ABHD15: variants seen among roughly 807,000 people sequenced by gnomAD.
ABHD15 encodes the protein abhydrolase domain containing 15, also known as protein ABHD15.
Under a neutral mutation model 34.4 loss-of-function variants are expected in ABHD15, and 34 were observed. The observed-to-expected ratio is 0.99, with a 90% CI of 0.75 to 1.32. ABHD15 has a LOEUF of 1.32. Ranked by LOEUF, ABHD15 falls within the 40% of genes most tolerant of loss-of-function variation. The probability of loss-of-function intolerance (pLI) is 0.00; values close to 1 mark genes in which losing one functional copy is unlikely to be tolerated. For missense variants in ABHD15, 644 were observed against 650.4 expected, an observed-to-expected ratio of 0.99 and a Z score of 0.11; for synonymous variants, 314 against 299.2, an observed-to-expected ratio of 1.05 and a Z score of -0.51.
Position 29,566,453 on chromosome 17 carries a change from G to C in ABHD15, c.514C>G (p.Arg172Gly), listed in dbSNP as rs143659545. The C allele has an allele frequency of 6.2e-7, 1 of 1,612,268 alleles. No individual in the cohort carries two copies. The highest frequency in any genetic ancestry group is 8.5e-7 in the Non-Finnish European group (1 of 1,179,830). ...AGCAAGCAAAGGCCGAGCACGTTGC[G>C]GGTGAGGCGACCCCACGCATTGGGG... Reference protein sequence around the residue: ...VIPNAWGRLTRNVLGLCLLAL... With the variant: ...VIPNAWGRLTGNVLGLCLLAL... The change falls in exon 1 of 2, where the codon CGC becomes GGC. Residue 172 changes from arginine to glycine, a missense_variant. Coordinates refer to ENST00000307201, the MANE Select transcript of ABHD15 (RefSeq NM_198147.3).
At position 29,562,977 on chromosome 17, in the gene ABHD15, T is replaced by C; in HGVS notation, c.991A>G (p.Ser331Gly). The C allele has an allele frequency of 6.2e-7, 1 of 1,613,876 alleles. No homozygotes were observed. Among genetic ancestry groups the C allele is most frequent in the South Asian group, 1.1e-5 (1 of 91,082 alleles). Residue 331 changes from serine (S) to glycine (G), a missense_variant, in exon 2 of 2, where the codon AGC becomes GGC. Coordinates refer to ENST00000307201, the MANE Select transcript of ABHD15 (RefSeq NM_198147.3). Reference sequence around the variant, plus strand: ...TTGCGGTCCCAGTAGGTATCCCAGCTGATGGGGAAGCTTTTGGTGTGGCAG... The same window carrying C: ...TTGCGGTCCCAGTAGGTATCCCAGCCGATGGGGAAGCTTTTGGTGTGGCAG... The part of the protein sequence containing the change: ...LFCHTKSFPI[S>G]WDTYWDRNDP...
rs2032624739 is a variant in ABHD15, at chr17:29,561,248, T to G, written c.*1313A>C. ...TTCTCAATGACGATTAAAATAAAACTTCAGGGCAAAGTTTTTGAATCTTAG... is the reference window on the plus strand; with the variant it reads ...TTCTCAATGACGATTAAAATAAAACGTCAGGGCAAAGTTTTTGAATCTTAG... On this transcript the variant is annotated 3_prime_UTR_variant, in exon 2 of 2. Coordinates refer to ENST00000307201, the MANE Select transcript of ABHD15 (RefSeq NM_198147.3). 1 of 152,200 alleles carries G rather than the reference T, an allele frequency of 6.6e-6. No homozygotes were observed. Among genetic ancestry groups the G allele is most frequent in the African/African-American group, 2.4e-5 (1 of 41,458 alleles). The allele number at this position is 152,200 out of a possible 1,614,324, so 9.4% of individuals were successfully genotyped here.
intron 1 of ABHD15, among the ~76,000 whole-genome samples, chr17:29,563,339 CAGG>C (rs1213583771): frequency 1.3e-5 from 2 of 150,908 alleles, no homozygotes; most frequent in Non-Finnish European, 1.5e-5. Context: ...CACTTAAGTC[CAGG>C]AGTTTGAGAA....
chr17:29,562,626 G>A lies in ABHD15; in HGVS notation c.1342C>T (p.Arg448Trp), dbSNP rs148129691. The change falls in exon 2 of 2, where the codon CGG (arginine) becomes TGG (tryptophan). Residue 448 changes from arginine (R) to tryptophan (W), a missense_variant. Arg to Trp is a moderately radical substitution (Grantham distance 101, BLOSUM62 -3). Transcript: ENST00000307201. ...GRRRGGALQR[R>W]EVSSSSNLEE... ...AGGTTGGAAGAGGAAGAGACTTCCC[G>A]CCTCTGCAAGGCTCCCCCACGACGA... is the stretch of plus-strand genomic sequence containing the variant. The A allele has an allele frequency of 1.6e-5, 26 of 1,613,920 alleles. No individual in the cohort carries two copies. The highest frequency in any genetic ancestry group is 1.6e-4 in the African/African-American group (12 of 74,882).
chr17:29,565,759 A>T (rs186939816), intron 1 of ABHD15, among the ~76,000 whole-genome samples: 4 of 152,314 alleles, frequency 2.6e-5, no homozygotes, highest in Non-Finnish European at 5.9e-5. Flanking sequence ...CTGTGGGCTA[A>T]GTGGTAAATG....
Position 29,562,394 on chromosome 17 carries a change from T to G in ABHD15, c.*167A>C. 1 of 736,100 alleles carries G rather than the reference T, an allele frequency of 1.4e-6. No individual in the cohort carries two copies. Among genetic ancestry groups the G allele is most frequent in the Non-Finnish European group, 2.2e-6 (1 of 455,748 alleles). The allele number at this position is 736,100 out of a possible 1,614,324, so 45.6% of individuals were successfully genotyped here. On this transcript the variant is annotated 3_prime_UTR_variant, in exon 2 of 2. Transcript: ENST00000307201. ...TGCTGAGGATGAAGTGAGTGCAGGC[T>G]CGCAGGACGTTCCTTCTCTTTCAAG...
rs2032624999 is a variant in ABHD15 at position 29,561,271 on chromosome 17, T to C, written c.*1290A>G. The C allele has an allele frequency of 6.6e-6, 1 of 152,224 alleles. No individual in the cohort carries two copies. Among genetic ancestry groups the C allele is most frequent in the African/African-American group, 2.4e-5 (1 of 41,460 alleles). The allele number at this position is 152,224 out of a possible 1,614,324, so 9.4% of individuals were successfully genotyped here. On this transcript the variant is annotated 3_prime_UTR_variant, in exon 2 of 2. Transcript: ENST00000307201. ...ACTTCAGGGCAAAGTTTTTGAATCT[T>C]AGCAACACATGGAAACATATGTCCT...
At chr17:29,563,247 T>C (rs1250115281) in intron 1 of ABHD15, among the ~76,000 whole-genome samples, 161 bp from the exon 2 acceptor site, 1 of 152,096 alleles carries the variant, frequency 6.6e-6, no homozygotes, top group African/African-American at 2.4e-5. Flanking sequence ...TTCATGGCCA[T>C]CATTTAAAAC....
Position 29,566,889 on chromosome 17 carries a change from C to T in ABHD15, c.78G>A (p.Arg26=), listed in dbSNP as rs2032730020. The change falls in exon 1 of 2, where the codon CGG becomes CGA. Residue 26 remains arginine, a synonymous_variant. Transcript: ENST00000307201. ...CTCCGACGGCGCGCCCCCAGGGTCC[C>T]CGGAGCCGCGGGCCGAGCAGGCCGA... ...ALLGLLGPRL[R]GPWGRAVGER... is the part of the protein sequence containing the mutation. The T allele has an allele frequency of 6.7e-7, 1 of 1,494,892 alleles. No individual in the cohort carries two copies. Among genetic ancestry groups the T allele is most frequent in the African/African-American group, 1.5e-5 (1 of 68,614 alleles). 92.6% of individuals were successfully genotyped at this position (1,494,892 alleles called of 1,614,324 possible).
In ABHD15 at chr17:29,562,469, C is replaced by G; in HGVS notation, c.*92G>C. On this transcript the variant is annotated 3_prime_UTR_variant, in exon 2 of 2. Coordinates refer to ENST00000307201, the MANE Select transcript of ABHD15 (RefSeq NM_198147.3). ...GAATGAGGAGCACAGAGCTGGAGCT[C>G]CCTCTGTTCAGTCCGCCCCATCTTT... 1 of 1,376,386 alleles carries G rather than the reference C, an allele frequency of 7.3e-7. No individual in the cohort carries two copies. Among genetic ancestry groups the G allele is most frequent in the South Asian group, 1.4e-5 (1 of 70,694 alleles). The allele number at this position is 1,376,386 out of a possible 1,614,324, so 85.3% of individuals were successfully genotyped here. A position where few individuals can be genotyped will look rare whatever the true frequency, so the allele number is the denominator to read the frequency against.
chr17:29,566,122 C>G lies in ABHD15; in HGVS notation c.845G>C (p.Arg282Pro). 1 of 1,556,564 alleles carries G rather than the reference C, an allele frequency of 6.4e-7. No homozygotes were observed. Among genetic ancestry groups the G allele is most frequent in the Non-Finnish European group, 8.7e-7 (1 of 1,149,432 alleles). The change falls in exon 1 of 2, where the codon CGG (arginine) becomes CCG (proline). Residue 282 changes from arginine (R) to proline (P), a missense_variant. Coordinates refer to ENST00000307201, the MANE Select transcript of ABHD15 (RefSeq NM_198147.3). ...GATCTTCTGGTGGAGCAGAAAGCCCCGCTCGTAGGGCCAGGGCAGGCCGGC... is the reference window on the plus strand; with the variant it reads ...GATCTTCTGGTGGAGCAGAAAGCCCGGCTCGTAGGGCCAGGGCAGGCCGGC... Reference protein sequence around the residue: ...FEAGLPWPYERGFLLHQKIAL... With the variant: ...FEAGLPWPYEPGFLLHQKIAL...
At position 29,566,395 on chromosome 17, in the gene ABHD15, A is replaced by G. The variant is rs759609923; in HGVS notation, c.572T>C (p.Phe191Ser). The change falls in exon 1 of 2, where the codon TTC (phenylalanine) becomes TCC (serine). Residue 191 changes from phenylalanine (F) to serine (S), a missense_variant. Transcript: ENST00000307201. ...GCAACCGTGGTGGCCGCGGCGATGG[A>G]AGATGACCGGGTAGTAGCCGCGCTC... ...ALERGYYPVI[F>S]HRRGHHGCPL... 8 of 1,611,466 alleles carry G rather than the reference A, an allele frequency of 5.0e-6. No individual in the cohort carries two copies. Among genetic ancestry groups the G allele is most frequent in the South Asian group, 2.2e-5 (2 of 90,972 alleles).
At chr17:29,565,380 T>C (rs890937911) in intron 1 of ABHD15, among the ~76,000 whole-genome samples, 2 of 152,036 alleles carry the variant, frequency 1.3e-5, no homozygotes, top group African/African-American at 4.8e-5. Context: ...CAGGCTAGAG[T>C]GCAGTGGCCT....
rs1414497479 is a variant in ABHD15 at position 29,566,356 on chromosome 17, G to A, written c.611C>T (p.Pro204Leu). ...RGHHGCPLVSPRLQPFGDPSD... is the reference protein window; with the variant it reads ...RGHHGCPLVSLRLQPFGDPSD... ...CGGGTCCCCGAAAGGCTGCAGCCGG[G>A]GGCTGACCAGTGGGCAACCGTGGTG... Residue 204 changes from proline (P) to leucine (L), a missense_variant, in exon 1 of 2, where the codon CCC (proline) becomes CTC (leucine). Transcript: ENST00000307201. The A allele has an allele frequency of 9.3e-6, 15 of 1,611,022 alleles. No individual in the cohort carries two copies. The highest frequency in any genetic ancestry group is 1.3e-5 in the Non-Finnish European group (15 of 1,178,664).
At position 29,566,802 on chromosome 17, in the gene ABHD15, C is replaced by A; in HGVS notation, c.165G>T (p.Pro55=). ...DDGEEADGGG[P]ADQFSDGREP... is the part of the protein sequence containing the mutation. ...CGCGCCCGTCGCTGAACTGGTCCGC[C>A]GGGCCTCCGCCGTCCGCCTCCTCCC... Residue 55 remains proline (P), a synonymous_variant, in exon 1 of 2, where the codon CCG becomes CCT. Transcript: ENST00000307201. The A allele has an allele frequency of 6.6e-7, 1 of 1,513,490 alleles. No homozygotes were observed. Among genetic ancestry groups the A allele is most frequent in the Non-Finnish European group, 8.8e-7 (1 of 1,138,620 alleles). The allele number at this position is 1,513,490 out of a possible 1,614,324, so 93.8% of individuals were successfully genotyped here. A position where few individuals can be genotyped will look rare whatever the true frequency, so the allele number is the denominator to read the frequency against.
Position 29,562,854 on chromosome 17 carries a change from T to G in ABHD15, c.1114A>C (p.Thr372Pro). The G allele has an allele frequency of 6.2e-7, 1 of 1,613,974 alleles. No homozygotes were observed. ...VCGPPDHTLT[T>P]ELFHSNPYFF... ...TAGGGGTTGCTGTGGAAGAGTTCAG[T>G]TGTCAGAGTGTGGTCTGGGGGTCCA... Residue 372 changes from threonine (T) to proline (P), a missense_variant, in exon 2 of 2, where the codon ACT becomes CCT. Transcript: ENST00000307201.
Position 29,563,055 on chromosome 17 carries a change from T to G in ABHD15, c.913A>C (p.Thr305Pro). The G allele has an allele frequency of 6.2e-7, 1 of 1,608,600 alleles. No homozygotes were observed. Among genetic ancestry groups the G allele is most frequent in the Non-Finnish European group, 8.5e-7 (1 of 1,179,780 alleles). ...YATALEDTVD[T>P]SRLFRSRSLR... ...GAACGGCTCCTGAACAGTCTGCTGG[T>G]GTCCACAGTGTCCTCCAGGGCTGTG... Residue 305 changes from threonine to proline, a missense_variant, in exon 2 of 2, where the codon ACC (threonine) becomes CCC (proline). By Grantham distance (38) the Thr-to-Pro change is conservative. Coordinates refer to ENST00000307201, the MANE Select transcript of ABHD15 (RefSeq NM_198147.3).
rs2150788075 is a variant in ABHD15 at position 29,561,677 on chromosome 17, T to C, written c.*884A>G. Reference sequence around the variant, plus strand: ...AACACCTAAGTTATGAGGTTTGTGCTTTTCCTGACTTAGAGAAAGTCCATA... The same window carrying C: ...AACACCTAAGTTATGAGGTTTGTGCCTTTCCTGACTTAGAGAAAGTCCATA... On this transcript the variant is annotated 3_prime_UTR_variant, in exon 2 of 2. Transcript: ENST00000307201. The C allele has an allele frequency of 6.5e-6, 1 of 152,686 alleles. No individual in the cohort carries two copies. The highest frequency in any genetic ancestry group is 2.4e-5 in the African/African-American group (1 of 41,576). 9.5% of individuals were successfully genotyped at this position (152,686 alleles called of 1,614,324 possible).
Position 29,566,325 on chromosome 17 carries a change from G to A in ABHD15, c.642C>T (p.Asp214=). The part of the protein sequence containing the change: ...PRLQPFGDPS[D]LKEAVTYIRF... ...GGATGTATGTGACCGCCTCCTTGAG[G>A]TCGGACGGGTCCCCGAAAGGCTGCA... Residue 214 remains aspartate, a synonymous_variant, in exon 1 of 2, where the codon GAC becomes GAT. Coordinates refer to ENST00000307201, the MANE Select transcript of ABHD15 (RefSeq NM_198147.3). The A allele has an allele frequency of 1.2e-6, 2 of 1,611,534 alleles. 1 individual carries two copies. Among genetic ancestry groups the A allele is most frequent in the Non-Finnish European group, 1.7e-6 (2 of 1,179,074 alleles).
Sources: allele counts gnomAD v4.1 joint callset (sites outside exome capture counted in the v4.1 genomes callset), GRCh38; gene constraint gnomAD v4.1.1; transcripts MANE v1.5; gene names NCBI Gene and HGNC (gene_info 2026-07-23, HGNC 2026-07-21).